LARS2: variants seen among roughly 807,000 people sequenced by gnomAD.
The protein encoded by LARS2 is leucyl-tRNA synthetase 2, mitochondrial, also known as leucine--tRNA ligase, mitochondrial.
Under a neutral mutation model 116.6 loss-of-function variants are expected in LARS2, and 81 were observed. That is an observed-to-expected ratio of 0.69 (90% CI 0.58 to 0.84). The LOEUF (loss-of-function observed/expected upper bound fraction) is 0.84, where lower values mean the gene tolerates loss of function less well. Among genes scored for constraint, LARS2 ranks in the 40% least tolerant of loss-of-function variants. The pLI is 0.00. For missense variants in LARS2, 968 were observed against 1,114.5 expected (o/e 0.87, Z 1.87); for synonymous variants, 396 against 407.2 (o/e 0.97, Z 0.33).
chr3:45,400,322 C>T lies in LARS2; in HGVS notation c.312C>T (p.Val104=). 1 of 1,614,040 alleles carries T rather than the reference C, an allele frequency of 6.2e-7. No homozygotes were observed. Among genetic ancestry groups the T allele is most frequent in the Non-Finnish European group, 8.5e-7 (1 of 1,179,942 alleles). The change falls in exon 4 of 22, where the codon GTC becomes GTT. Residue 104 remains valine (V), a synonymous_variant. Coordinates refer to ENST00000645846, the MANE Select transcript of LARS2 (RefSeq NM_015340.4). The part of the protein sequence containing the change: ...SGKLHMGHVR[V]YTISDTIARF... ...AGCTGCACATGGGCCATGTGCGTGT[C>T]TACACCATCAGCGACACCATAGCAC...
chr3:45,463,645 C>T (rs142948959), intron 8 of LARS2, among the ~76,000 whole-genome samples: 68 of 152,082 alleles, frequency 4.5e-4, no homozygotes, highest in African/African-American at 1.5e-3. Context: ...CGCAGTCTCT[C>T]CTCCTTCTCT....
At chr3:45,499,536 C>G (rs73072123) in intron 14 of LARS2, among the ~76,000 whole-genome samples, 1 of 151,982 alleles carries the variant, frequency 6.6e-6, no homozygotes, top group South Asian at 2.1e-4. Context: ...GCTGGAAGAT[C>G]GCTTGAGCCC....
intron 4 of LARS2, among the ~76,000 whole-genome samples, chr3:45,412,958 A>C (rs575103457): frequency 1.3e-5 from 2 of 152,236 alleles, no homozygotes; most frequent in Non-Finnish European, 2.9e-5. Context: ...TCCTGGTCCA[A>C]TCAGCTGTGG....
intron 7 of LARS2, among the ~76,000 whole-genome samples, chr3:45,456,416 C>G (rs927140699): frequency 6.6e-6 from 1 of 152,164 alleles, no homozygotes; most frequent in African/African-American, 2.4e-5. Flanking sequence ...AACCCTGTCT[C>G]TACTAAAAAT....
chr3:45,514,591 C>T (rs1575306481), intron 16 of LARS2, among the ~76,000 whole-genome samples: 1 of 152,164 alleles, frequency 6.6e-6, no homozygotes, highest in Non-Finnish European at 1.5e-5. Flanking sequence ...GGCAAGGCTG[C>T]CCATGTATAG....
In LARS2 at chr3:45,461,275, T is replaced by C. The variant is rs940243304; in HGVS notation, c.750+2389T>C. 4.6e-5 allele frequency among the ~76,000 whole-genome samples: 7 copies of C among 151,900 alleles called. No homozygotes were observed. In the South Asian group the frequency reaches 1.0e-3, roughly 23 times the overall value. ...TTAATATCTGAAATGAAAAATCCAC[T>C]CTTTGGGGCTACAGATGGATAAGTA... On this transcript the variant is annotated intron_variant, in intron 8 of 21. Coordinates refer to ENST00000645846, the MANE Select transcript of LARS2 (RefSeq NM_015340.4).
rs192626950 is a variant in LARS2, at chr3:45,500,557, G to T, written c.1738G>T (p.Asp580Tyr). ...YARFFSHFCH[D>Y]QKMVKHREPF... The stretch of plus-strand genomic sequence containing the variant: ...AAGATTCTTTAGTCATTTTTGCCAT[G>T]ATCAAAAAATGGTTAAACATAGGTA... Residue 580 changes from aspartate to tyrosine, a missense_variant, in exon 15 of 22, where the codon GAT becomes TAT. Asp to Tyr is a radical substitution (Grantham distance 160). Transcript: ENST00000645846. 1.5e-5 allele frequency: 24 copies of T among 1,563,784 alleles called. No individual in the cohort carries two copies. In the Admixed American group the frequency reaches 3.6e-4, roughly 24 times the overall value.
chr3:45,499,391 G>A (rs1229993017), intron 14 of LARS2, among the ~76,000 whole-genome samples: 7 of 152,208 alleles, frequency 4.6e-5, no homozygotes, highest in East Asian at 1.9e-4. Flanking sequence ...GCAGTGAGCC[G>A]AGATCACGCC....
intron 3 of LARS2, among the ~76,000 whole-genome samples, chr3:45,399,706 TG>T (rs1335199552): frequency 1.3e-5 from 2 of 152,048 alleles, no homozygotes; most frequent in African/African-American, 4.8e-5. Flanking sequence ...AGTTATTTAG[TG>T]GTGATTTGTG....
At chr3:45,484,619 A>T (rs1176303033) in intron 10 of LARS2, among the ~76,000 whole-genome samples, 1 of 80,532 alleles carries the variant, frequency 1.2e-5, no homozygotes, top group African/African-American at 4.5e-5. Context: ...AAAAAAAAAA[A>T]AAAAAAAAAA....
intron 8 of LARS2, among the ~76,000 whole-genome samples, chr3:45,463,103 T>C (rs1699360687): frequency 6.6e-6 from 1 of 152,166 alleles, no homozygotes; most frequent in Admixed American, 6.5e-5. Context: ...GGAGGATGGA[T>C]TGGAGCCTTA....
intron 13 of LARS2, among the ~76,000 whole-genome samples, chr3:45,493,835 A>G (rs924994692): frequency 2.6e-5 from 4 of 152,154 alleles, no homozygotes; most frequent in African/African-American, 9.7e-5. Flanking sequence ...CAACAAGACC[A>G]TTAAAAAGGA....
intron 6 of LARS2, among the ~76,000 whole-genome samples, chr3:45,430,873 CT>C (rs1356858883): frequency 6.6e-6 from 1 of 152,206 alleles, no homozygotes; most frequent in Non-Finnish European, 1.5e-5. Flanking sequence ...GCTTGAGCCA[CT>C]GCGCCCGGCC....
chr3:45,509,599 TATC>T (rs1252686054), intron 15 of LARS2: 3 of 152,084 alleles, frequency 2.0e-5, no homozygotes, highest in Admixed American at 6.6e-5. Flanking sequence ...TGTACCCAAT[TATC>T]ATGTAAATAC....
rs1186073698 is a variant in LARS2, at chr3:45,543,450, AT to A, written c.2532+1506del. Among the ~76,000 whole-genome samples, 128 of 142,496 alleles carry A rather than the reference AT, an allele frequency of 9.0e-4. 1 individual carries two copies. Among genetic ancestry groups the A allele is most frequent in the South Asian group, 8.1e-3 (36 of 4,434 alleles). The allele number at this position is 142,496 out of a possible 152,430, so 93.5% of individuals were successfully genotyped here. A position where few individuals can be genotyped will look rare whatever the true frequency, so the allele number is the denominator to read the frequency against. The stretch of plus-strand genomic sequence containing the variant: ...CATGAGCCACCACACCCAACCCAGA[AT>A]TTTTTTTTTTTATTTTTTTATTTTT... On this transcript the variant is annotated intron_variant, in intron 21 of 21. Transcript: ENST00000645846.
chr3:45,539,580 A>G (rs111390511), intron 20 of LARS2, among the ~76,000 whole-genome samples: 7,301 of 152,218 alleles, frequency 0.048, 182 homozygotes, highest in Middle Eastern at 0.085. Context: ...GCAGTGAGCC[A>G]AGATCTTACC....
chr3:45,395,522 T>A (rs1234763510), intron 3 of LARS2, among the ~76,000 whole-genome samples: 1 of 152,236 alleles, frequency 6.6e-6, no homozygotes, highest in Non-Finnish European at 1.5e-5. Context: ...GATTGTTACA[T>A]GAAATGTTTG....
chr3:45,400,482 G>A (rs1698127804), intron 4 of LARS2, 109 bp downstream of exon 4: 3 of 1,084,964 alleles, frequency 2.8e-6, no homozygotes, highest in Non-Finnish European at 3.8e-6. Flanking sequence ...TTAAGATTAG[G>A]ACAGCTTTGA....
Position 45,479,310 on chromosome 3 carries a change from C to T in LARS2, c.1018+2683C>T, listed in dbSNP as rs1356410283. Among the ~76,000 whole-genome samples the T allele has an allele frequency of 3.9e-5, 6 of 152,060 alleles. No homozygotes were observed. In the East Asian group the frequency reaches 1.2e-3, roughly 29 times the overall value. ...GAGGACCTTGTGGGTAGAGAAGAAG[C>T]TTTGAGGGGCCCTGTGGAGGAGAGT... On this transcript the variant is annotated intron_variant, in intron 10 of 21. Transcript: ENST00000645846.
Sources: allele counts gnomAD v4.1 joint callset (sites outside exome capture counted in the v4.1 genomes callset), GRCh38; gene constraint gnomAD v4.1.1; transcripts MANE v1.5; gene names NCBI Gene and HGNC (gene_info 2026-07-23, HGNC 2026-07-21).